KRT79: variants seen among roughly 807,000 people sequenced by gnomAD.
KRT79 encodes keratin, type II cytoskeletal 79.
A neutral mutation model predicts 49.0 loss-of-function variants in KRT79; 51 were observed. That is an observed-to-expected ratio of 1.04 (90% confidence interval 0.83 to 1.31). The LOEUF (loss-of-function observed/expected upper bound fraction) is 1.31. Among genes scored for constraint, KRT79 ranks in the 40% most tolerant of loss-of-function variants. The pLI is 0.00. For missense variants in KRT79, 728 were observed against 688.0 expected, an observed-to-expected ratio of 1.06 and a Z score of -0.65; for synonymous variants, 312 against 286.6, an observed-to-expected ratio of 1.09 and a Z score of -0.90.
In KRT79 at chr12:52,821,680, C is replaced by T. The variant is rs145734424; in HGVS notation, c.*192G>A. ...GGCAACTTTAACCTTCCCTCCCATC[C>T]TACTGCAGGACCAAGGAGAAAACCT... On this transcript the variant is annotated 3_prime_UTR_variant, in exon 9 of 9. Coordinates refer to ENST00000330553, the MANE Select transcript of KRT79 (RefSeq NM_175834.3). 193 of 609,612 alleles carry T rather than the reference C, an allele frequency of 3.2e-4. No homozygotes were observed. Among genetic ancestry groups the T allele is most frequent in the African/African-American group, 2.9e-3 (159 of 54,184 alleles). The allele number at this position is 609,612 out of a possible 1,614,324, so 37.8% of individuals were successfully genotyped here.
rs766472022 is a variant in KRT79 at position 52,824,267 on chromosome 12, C to A, written c.951G>T (p.Glu317Asp). ...RNLDLDSIIAEVKAQYELIAQ... is the reference protein window; with the variant it reads ...RNLDLDSIIADVKAQYELIAQ... Reference sequence around the variant, plus strand: ...CAATCAGCTCATACTGGGCCTTGACCTCGGCGATGATGCTGTCCAGGTCCA... The same window carrying A: ...CAATCAGCTCATACTGGGCCTTGACATCGGCGATGATGCTGTCCAGGTCCA... Residue 317 changes from glutamate to aspartate, a missense_variant, in exon 5 of 9, where the codon GAG becomes GAT. Transcript: ENST00000330553. The A allele has an allele frequency of 3.1e-6, 5 of 1,614,236 alleles. No individual in the cohort carries two copies. In the Admixed American group the frequency reaches 8.3e-5, roughly 27 times the overall value.
chr12:52,824,633 A>C (rs1385550525), intron 4 of KRT79, among the ~76,000 whole-genome samples: 2 of 152,202 alleles, frequency 1.3e-5, no homozygotes, highest in Admixed American at 1.3e-4. Flanking sequence ...TACTCTCTGC[A>C]CTAACACTGG....
chr12:52,822,956 G>A, intron 7 of KRT79, 60 bp downstream of exon 7: 1 of 1,545,214 alleles, frequency 6.5e-7, no homozygotes, highest in South Asian at 1.2e-5. Context: ...CAGACTCCCT[G>A]GGCTCTCCCC....
intron 4 of KRT79, among the ~76,000 whole-genome samples, chr12:52,826,942 C>T (rs755433467): frequency 1.3e-5 from 2 of 152,212 alleles, no homozygotes; most frequent in Non-Finnish European, 2.9e-5. Context: ...GGAGGCACTG[C>T]TGGGCCGTGA....
rs201342978 is a variant in KRT79 at position 52,822,300 on chromosome 12, G to C, written c.1402+45C>G. The C allele has an allele frequency of 6.4e-5, 101 of 1,589,934 alleles. 1 individual carries two copies. The African/African-American group carries it at 7.4e-4, about 12-fold the overall frequency. On this transcript the variant is annotated intron_variant, in intron 8 of 8. Transcript: ENST00000330553. ...GTTGCATAAACTGAGCAGAGTTCTG[G>C]GGCCTGGCCAGGGGTGGAGCAGGAA...
intron 2 of KRT79, chr12:52,830,502 G>A: frequency 3.5e-6 from 2 of 571,480 alleles, no homozygotes; most frequent in East Asian, 2.9e-5. Flanking sequence ...AGGGAAAGAG[G>A]CACAGAATTT....
Position 52,823,191 on chromosome 12 carries a change from C to G in KRT79, c.1192G>C (p.Glu398Gln). 1.9e-6 allele frequency: 3 copies of G among 1,614,206 alleles called. No individual in the cohort carries two copies. The highest frequency in any genetic ancestry group is 2.5e-6 in the Non-Finnish European group (3 of 1,180,024). ...TAIAEAEQRG[E>Q]LALKDAQKKL... ...TTCTGAGCATCCTTGAGTGCCAGCT[C>G]CCCACGCTGCTCCGCTTCCGCAATG... Residue 398 changes from glutamate (E) to glutamine (Q), a missense_variant, in exon 7 of 9, where the codon GAG becomes CAG. Physicochemically the swap from Glu to Gln is conservative, Grantham distance 29 (BLOSUM62 2). Coordinates refer to ENST00000330553, the MANE Select transcript of KRT79 (RefSeq NM_175834.3).
chr12:52,828,883 C>T (rs1940210985), intron 4 of KRT79, among the ~76,000 whole-genome samples: 1 of 152,152 alleles, frequency 6.6e-6, no homozygotes, highest in Non-Finnish European at 1.5e-5. Context: ...GATTTTTATC[C>T]TGTCATCATC....
Position 52,822,085 on chromosome 12 carries a change from G to A in KRT79, c.1403-8C>T, listed in dbSNP as rs1372804968. On this transcript the variant is annotated splice_polypyrimidine_tract_variant and splice_region_variant and intron_variant, in intron 8 of 8. Coordinates refer to ENST00000330553, the MANE Select transcript of KRT79 (RefSeq NM_175834.3). ...TGGAGTTGCCAGTCACAGCTGCAAAGCAAAGGGTCTGGATTAGTCAGGGCG... is the reference window on the plus strand; with the variant it reads ...TGGAGTTGCCAGTCACAGCTGCAAAACAAAGGGTCTGGATTAGTCAGGGCG... The A allele has an allele frequency of 6.2e-7, 1 of 1,613,678 alleles. No individual in the cohort carries two copies. The highest frequency in any genetic ancestry group is 8.5e-7 in the Non-Finnish European group (1 of 1,179,956).
At chr12:52,830,966 C>T (rs1940244543) in intron 2 of KRT79, among the ~76,000 whole-genome samples, 1 of 151,934 alleles carries the variant, frequency 6.6e-6, no homozygotes, top group South Asian at 2.1e-4. Context: ...CATTCACATG[C>T]AGATATATGA....
chr12:52,825,858 T>C (rs1940168500), intron 4 of KRT79, among the ~76,000 whole-genome samples: 1 of 152,182 alleles, frequency 6.6e-6, no homozygotes, highest in African/African-American at 2.4e-5. Context: ...CAGTTCCCTC[T>C]TCTGTAACAC....
Position 52,821,613 on chromosome 12 carries a change from C to CGCCGTAGCATT in KRT79, c.*258_*259insAATGCTACGGC. The CGCCGTAGCATT allele has an allele frequency of 2.0e-6, 1 of 494,336 alleles. No homozygotes were observed. Among genetic ancestry groups the CGCCGTAGCATT allele is most frequent in the Non-Finnish European group, 3.6e-6 (1 of 276,416 alleles). The allele number at this position is 494,336 out of a possible 1,614,324, so 30.6% of individuals were successfully genotyped here. On this transcript the variant is annotated 3_prime_UTR_variant, in exon 9 of 9. Transcript: ENST00000330553. Reference sequence around the variant, plus strand: ...AGAAATTCAGCCTCCTCTCGGTGGTCAAAAGGTCACCCCCAAGTCACCCAA... The same window carrying CGCCGTAGCATT: ...AGAAATTCAGCCTCCTCTCGGTGGTCGCCGTAGCATTAAAAGGTCACCCCCAAGTCACCCAA...
At chr12:52,830,609 C>G (rs943706765) in intron 2 of KRT79, 1 of 325,608 alleles carries the variant, frequency 3.1e-6, no homozygotes, top group Non-Finnish European at 5.7e-6. Flanking sequence ...CAGTGGCTGA[C>G]CTTTACCATC....
At position 52,822,363 on chromosome 12, in the gene KRT79, G is replaced by A. The variant is rs1474591988; in HGVS notation, c.1384C>T (p.Pro462Ser). The change falls in exon 8 of 9, where the codon CCC becomes TCC. Residue 462 changes from proline (P) to serine (S), a missense_variant. Physicochemically the swap from Pro to Ser is moderately conservative, Grantham distance 74. Transcript: ENST00000330553. ...TACTCACAAATGCTGACTGCACTGGGACATTCTCCAGACATCCTAGGGGAC... is the reference window on the plus strand; with the variant it reads ...TACTCACAAATGCTGACTGCACTGGAACATTCTCCAGACATCCTAGGGGAC... ...SEESRMSGEC[P>S]SAVSISVTGN... 1.2e-6 allele frequency: 2 copies of A among 1,602,950 alleles called. No individual in the cohort carries two copies. The highest frequency in any genetic ancestry group is 8.5e-7 in the Non-Finnish European group (1 of 1,174,038).
chr12:52,826,629 G>C (rs1940179839), intron 4 of KRT79, among the ~76,000 whole-genome samples: 1 of 152,036 alleles, frequency 6.6e-6, no homozygotes, highest in African/African-American at 2.4e-5. Flanking sequence ...GGGACTCTAA[G>C]GGGGAAAGAC....
At chr12:52,831,679 G>T in intron 1 of KRT79, 53 bp from the exon 2 acceptor site, 2 of 1,456,792 alleles carry the variant, frequency 1.4e-6, no homozygotes, top group Admixed American at 1.7e-5. Context: ...CACCAGAGGA[G>T]CCAAGGATGG....
rs770475249 is a variant in KRT79 at position 52,824,280 on chromosome 12, C to T, written c.938G>A (p.Ser313Asn). 4.8e-5 allele frequency: 77 copies of T among 1,614,118 alleles called. No individual in the cohort carries two copies. The highest frequency in any genetic ancestry group is 6.4e-5 in the Non-Finnish European group (76 of 1,180,048). ...CTGGGCCTTGACCTCGGCGATGATG[C>T]TGTCCAGGTCCAGGTTGCGGTTGTT... ...MDNNRNLDLD[S>N]IIAEVKAQYE... Residue 313 changes from serine to asparagine, a missense_variant, in exon 5 of 9, where the codon AGC becomes AAC. Transcript: ENST00000330553.
At chr12:52,827,959 G>C (rs978953269) in intron 4 of KRT79, among the ~76,000 whole-genome samples, 1 of 152,238 alleles carries the variant, frequency 6.6e-6, no homozygotes, top group East Asian at 1.9e-4. Flanking sequence ...GGAACGCCCT[G>C]GTCATCCTTG....
chr12:52,822,147 A>G lies in KRT79; in HGVS notation c.1403-70T>C. On this transcript the variant is annotated intron_variant, in intron 8 of 8. Coordinates refer to ENST00000330553, the MANE Select transcript of KRT79 (RefSeq NM_175834.3). ...GAGGGCTGGGGGAGACCCAGAAATC[A>G]GTGGGGAATCAGAACAAAATCAAGC... is the stretch of plus-strand genomic sequence containing the variant. 2.0e-6 allele frequency: 3 copies of G among 1,507,268 alleles called. 1 individual carries two copies. In the South Asian group the frequency reaches 3.4e-5, roughly 17 times the overall value. The allele number at this position is 1,507,268 out of a possible 1,614,324, so 93.4% of individuals were successfully genotyped here. A position where few individuals can be genotyped will look rare whatever the true frequency, so the allele number is the denominator to read the frequency against.
Sources: gnomAD v4.1 joint callset for allele counts (sites outside exome capture counted in the v4.1 genomes callset) on GRCh38, gnomAD v4.1.1 for gene constraint, MANE v1.5 for transcripts, NCBI Gene and HGNC (gene_info 2026-07-23, HGNC 2026-07-21) for gene names.